Variants in COPS7B observed in about 807,000 individuals in gnomAD.
COPS7B encodes COP9 signalosome complex subunit 7b.
In COPS7B, 9 loss-of-function variants were observed where a neutral mutation model predicts 33.4. That is an observed-to-expected ratio of 0.27 (90% CI 0.16 to 0.47). COPS7B has a LOEUF of 0.47. Among genes scored for constraint, COPS7B ranks in the 20% least tolerant of loss-of-function variants. The probability of loss-of-function intolerance (pLI) is 0.99; values close to 1 mark genes in which losing one functional copy is unlikely to be tolerated. For synonymous variants in COPS7B, 119 were observed against 126.3 expected, an observed-to-expected ratio of 0.94 and a Z score of 0.39; for missense variants, 242 against 318.2, an observed-to-expected ratio of 0.76 and a Z score of 1.82.
rs1296502771 is a variant in COPS7B at position 231,786,467 on chromosome 2, G to A, written c.-88G>A. 1.0e-6 allele frequency: 1 copy of A among 985,890 alleles called. No homozygotes were observed. The highest frequency in any genetic ancestry group is 1.2e-6 in the Non-Finnish European group (1 of 830,104). 61.1% of individuals were successfully genotyped at this position (985,890 alleles called of 1,614,324 possible). A position where few individuals can be genotyped will look rare whatever the true frequency, so the allele number is the denominator to read the frequency against. ...GCCGGACGCCGGGGTGATCATGGAC[G>A]CTTGACAACCTGCGGGCAGGCGCCG... On this transcript the variant is annotated 5_prime_UTR_variant, in exon 1 of 7. Coordinates refer to ENST00000350033, the MANE Select transcript of COPS7B (RefSeq NM_022730.4).
At chr2:231,801,279 C>T in intron 6 of COPS7B, 1 of 1,540,714 alleles carries the variant, frequency 6.5e-7, no homozygotes, top group Admixed American at 2.0e-5. Flanking sequence ...AGAATATTCT[C>T]TCCATTTAGG....
Position 231,796,278 on chromosome 2 carries a change from T to G in COPS7B, c.500T>G (p.Ile167Ser). ...CIGRDIRKKD[I>S]NNIVKTLHEW... ...GGCCGTGACATCCGAAAGAAGGATA[T>G]CAATAATATTGTCAAGACCCTGCAT... The change falls in exon 5 of 7, where the codon ATC becomes AGC. Residue 167 changes from isoleucine (I) to serine (S), a missense_variant. Physicochemically the swap from Ile to Ser is moderately radical, Grantham distance 142 (BLOSUM62 -2). Coordinates refer to ENST00000350033, the MANE Select transcript of COPS7B (RefSeq NM_022730.4). 6.2e-7 allele frequency: 1 copy of G among 1,614,084 alleles called. No homozygotes were observed. The highest frequency in any genetic ancestry group is 1.1e-5 in the South Asian group (1 of 91,066).
At position 231,807,746 on chromosome 2, in the gene COPS7B, C is replaced by G; in HGVS notation, c.*101C>G. The G allele has an allele frequency of 8.8e-7, 1 of 1,131,648 alleles. No individual in the cohort carries two copies. The highest frequency in any genetic ancestry group is 1.2e-6 in the Non-Finnish European group (1 of 816,354). The allele number at this position is 1,131,648 out of a possible 1,614,324, so 70.1% of individuals were successfully genotyped here. On this transcript the variant is annotated 3_prime_UTR_variant, in exon 7 of 7. Transcript: ENST00000350033. ...TCTCTACCTGCAGTGAGTTCCAGAC[C>G]TGCCCGTCCCCTCACCAGCGCCTCC...
chr2:231,783,675 C>T (rs1212262136), upstream of COPS7B, among the ~76,000 whole-genome samples: 1 of 152,120 alleles, frequency 6.6e-6, no homozygotes, highest in Non-Finnish European at 1.5e-5. Flanking sequence ...TTGCAGATAT[C>T]TTTTCCAAGG....
upstream of COPS7B, chr2:231,781,785 G>C (rs546171367): frequency 2.2e-3 from 3,365 of 1,538,586 alleles, 4 homozygotes; most frequent in Non-Finnish European, 2.8e-3. Context: ...CCCGAGACTT[G>C]AAACCCAACG....
At chr2:231,789,716 T>C (rs903780988) in intron 2 of COPS7B, 1 of 152,330 alleles carries the variant, frequency 6.6e-6, no homozygotes, top group Admixed American at 6.5e-5. Context: ...ACAACACCTT[T>C]GCTGTTGGCT....
At chr2:231,782,727 G>A (rs2049158451), upstream of COPS7B, among the ~76,000 whole-genome samples, 1 of 152,220 alleles carries the variant, frequency 6.6e-6, no homozygotes. Context: ...AATGACATCA[G>A]AATGCTAAGG....
At chr2:231,790,803 A>G (rs1048667354) in intron 2 of COPS7B, 4 of 150,638 alleles carry the variant, frequency 2.7e-5, no homozygotes, top group East Asian at 3.9e-4. Flanking sequence ...CAGTGGCGCA[A>G]TCTCGGCTCA....
At chr2:231,803,258 C>G (rs559029487) in intron 6 of COPS7B, among the ~76,000 whole-genome samples, 2 of 152,218 alleles carry the variant, frequency 1.3e-5, no homozygotes, top group East Asian at 3.9e-4. Flanking sequence ...CAGGCAGGAT[C>G]AGAGGGGCAA....
chr2:231,782,665 TAAG>T (rs891215018), upstream of COPS7B, among the ~76,000 whole-genome samples: 6 of 152,030 alleles, frequency 3.9e-5, no homozygotes, highest in Admixed American at 3.3e-4. Flanking sequence ...TTTAGGGAAA[TAAG>T]GAGACTCCAC....
chr2:231,800,476 C>T, intron 6 of COPS7B, among the ~76,000 whole-genome samples: 1 of 152,170 alleles, frequency 6.6e-6, no homozygotes, highest in East Asian at 1.9e-4. Context: ...AACCACACTA[C>T]CTAATCTTTG....
chr2:231,805,849 A>G (rs1559378527), intron 6 of COPS7B, among the ~76,000 whole-genome samples: 1 of 149,686 alleles, frequency 6.7e-6, no homozygotes, highest in African/African-American at 2.5e-5. Context: ...GGGTCCCACT[A>G]TGTTGCCCAG....
chr2:231,788,465 A>C (rs987469821), intron 1 of COPS7B, 90 bp from the exon 2 acceptor site: 2 of 1,208,934 alleles, frequency 1.7e-6, no homozygotes, highest in Non-Finnish European at 2.3e-6. Flanking sequence ...CTATAAAAGT[A>C]AAGTATTCTG....
Position 231,788,684 on chromosome 2 carries a change from C to T in COPS7B, c.114C>T (p.Pro38=), listed in dbSNP as rs778201850. 66 of 1,614,188 alleles carry T rather than the reference C, an allele frequency of 4.1e-5. No homozygotes were observed. The East Asian group carries it at 9.4e-4, about 23-fold the overall frequency. The change falls in exon 2 of 7, where the codon CCC becomes CCT. Residue 38 remains proline (P), a synonymous_variant. Coordinates refer to ENST00000350033, the MANE Select transcript of COPS7B (RefSeq NM_022730.4). ...TALISQVLEA[P]GVYVFGELLE... ...TCATAAGCCAGGTCTTAGAGGCTCC[C>T]GGAGTGTATGTCTTTGGAGAACTTC...
At chr2:231,795,229 A>C (rs188321100) in intron 4 of COPS7B, among the ~76,000 whole-genome samples, 229 of 152,086 alleles carry the variant, frequency 1.5e-3, no homozygotes, top group Admixed American at 3.9e-3. Context: ...TTTTTAACTT[A>C]AAAAATTTTT....
chr2:231,788,142 T>TTTG (rs1257781295), intron 1 of COPS7B, among the ~76,000 whole-genome samples: 2 of 149,876 alleles, frequency 1.3e-5, no homozygotes, highest in African/African-American at 2.5e-5. Flanking sequence ...AACTGTTTTT[T>TTTG]TTTTTTTTTT....
At chr2:231,807,334 C>T (rs2049923406) in intron 6 of COPS7B, among the ~76,000 whole-genome samples, 153 bp from the exon 7 acceptor site, 1 of 152,082 alleles carries the variant, frequency 6.6e-6, no homozygotes, top group African/African-American at 2.4e-5. Flanking sequence ...TGTGAGTAGC[C>T]CAGGCTCGTT....
intron 6 of COPS7B, among the ~76,000 whole-genome samples, chr2:231,806,482 A>G (rs1373064301): frequency 6.7e-6 from 1 of 150,132 alleles, no homozygotes; most frequent in Non-Finnish European, 1.5e-5. Context: ...AAGCCTGGGC[A>G]GTTGAGGCTG....
upstream of COPS7B, among the ~76,000 whole-genome samples, chr2:231,784,484 A>G (rs1045176805): frequency 6.6e-6 from 1 of 151,978 alleles, no homozygotes; most frequent in African/African-American, 2.4e-5. Context: ...TCTGTCTCTT[A>G]AGGGAAAAAA....
Sources: allele counts gnomAD v4.1 joint callset (sites outside exome capture counted in the v4.1 genomes callset), GRCh38; gene constraint gnomAD v4.1.1; transcripts MANE v1.5; gene names NCBI Gene and HGNC (gene_info 2026-07-23, HGNC 2026-07-21).